Variants in EPS15 observed in about 807,000 individuals in gnomAD.
EPS15 encodes the protein epidermal growth factor receptor pathway substrate 15, also known as epidermal growth factor receptor substrate 15.
A neutral mutation model predicts 113.8 loss-of-function variants in EPS15; 72 were observed. The ratio of observed to expected loss-of-function variants is 0.63; its 90% CI spans 0.52 to 0.77. The LOEUF is 0.77. EPS15 is among the 30% of genes least tolerant of loss of function. The pLI is 0.00. For synonymous variants in EPS15, 344 were observed against 363.4 expected (o/e 0.95, Z 0.61); for missense variants, 1,048 against 1,045.8 (o/e 1.00, Z -0.03).
At chr1:51,450,083 T>TAGAGAAG (rs1653413860) in intron 8 of EPS15, among the ~76,000 whole-genome samples, 1 of 151,712 alleles carries the variant, frequency 6.6e-6, no homozygotes, top group Non-Finnish European at 1.5e-5. Context: ...GAGGTATTCC[T>TAGAGAAG]AATAGCTCAG....
chr1:51,465,517 T>C (rs1284604813), intron 5 of EPS15, among the ~76,000 whole-genome samples, 191 bp from the exon 6 acceptor site: 1 of 152,160 alleles, frequency 6.6e-6, no homozygotes, highest in African/African-American at 2.4e-5. Flanking sequence ...ATATTTTTAC[T>C]GTACCTTTTC....
intron 12 of EPS15, among the ~76,000 whole-genome samples, chr1:51,434,277 A>G (rs1343739230): frequency 6.6e-6 from 1 of 152,204 alleles, no homozygotes; most frequent in Non-Finnish European, 1.5e-5. Flanking sequence ...ATAATAGCTA[A>G]AATGTGGAAA....
intron 1 of EPS15, among the ~76,000 whole-genome samples, chr1:51,502,564 T>C (rs770395765): frequency 6.6e-6 from 1 of 152,170 alleles, no homozygotes; most frequent in Non-Finnish European, 1.5e-5. Context: ...GCAGAGGACA[T>C]GAACTTATAT....
At chr1:51,359,264 T>G (rs1646319864) in intron 24 of EPS15, among the ~76,000 whole-genome samples, 1 of 150,682 alleles carries the variant, frequency 6.6e-6, no homozygotes, top group Non-Finnish European at 1.5e-5. Context: ...GCCAACATGG[T>G]GAAACCCCGT....
In EPS15 at chr1:51,400,913, C is replaced by T. The variant is rs1181127598; in HGVS notation, c.1918+5G>A. 4 of 1,575,308 alleles carry T rather than the reference C, an allele frequency of 2.5e-6. No individual in the cohort carries two copies. Among genetic ancestry groups the T allele is most frequent in the Non-Finnish European group, 3.5e-6 (4 of 1,156,272 alleles). On this transcript the variant is annotated splice_donor_5th_base_variant and intron_variant, in intron 19 of 24. Coordinates refer to ENST00000371733, the MANE Select transcript of EPS15 (RefSeq NM_001981.3). ...AGCTAAGATGAAACTCAATAAGATA[C>T]TGACCGATTTTTCCAAAAGGATCAT...
At chr1:51,439,144 G>A (rs1652386044) in intron 12 of EPS15, among the ~76,000 whole-genome samples, 1 of 152,004 alleles carries the variant, frequency 6.6e-6, no homozygotes, top group Admixed American at 6.6e-5. Context: ...TCAACCCAGT[G>A]GAAATGGAAA....
chr1:51,503,409 G>GT (rs1557531383), intron 1 of EPS15, among the ~76,000 whole-genome samples: 1 of 152,224 alleles, frequency 6.6e-6, no homozygotes. Context: ...GCTGAGGCGG[G>GT]TGGATTACCT....
chr1:51,514,054 T>C (rs143135997), intron 1 of EPS15, among the ~76,000 whole-genome samples: 6 of 152,108 alleles, frequency 3.9e-5, no homozygotes, highest in Admixed American at 2.0e-4. Flanking sequence ...AATTTTAGTG[T>C]TTTTTTTCTT....
At chr1:51,381,257 T>C (rs552622877) in intron 21 of EPS15, among the ~76,000 whole-genome samples, 193 of 152,320 alleles carry the variant, frequency 1.3e-3, no homozygotes, top group Non-Finnish European at 1.7e-3. Flanking sequence ...CTTTAGGCCA[T>C]AGAACAACTC....
rs374990893 is a variant in EPS15 at position 51,463,804 on chromosome 1, A to G, written c.376-6T>C. 667 of 1,554,888 alleles carry G rather than the reference A, an allele frequency of 4.3e-4. 1 individual carries two copies. The highest frequency in any genetic ancestry group is 5.7e-4 in the Non-Finnish European group (650 of 1,144,834). ...TATTTGGCCTTATCTTCAGGCTACA[A>G]TAAAAAACAAAATCACAAGTTAAAT... is the stretch of plus-strand genomic sequence containing the variant. On this transcript the variant is annotated splice_region_variant and splice_polypyrimidine_tract_variant and intron_variant, in intron 6 of 24. Coordinates refer to ENST00000371733, the MANE Select transcript of EPS15 (RefSeq NM_001981.3).
chr1:51,412,139 T>C (rs1649779435), intron 13 of EPS15, among the ~76,000 whole-genome samples: 2 of 152,148 alleles, frequency 1.3e-5, no homozygotes, highest in East Asian at 1.9e-4. Flanking sequence ...TTCTCACTCA[T>C]AAGTGGGAGC....
chr1:51,454,524 G>A (rs1236486848), intron 8 of EPS15, among the ~76,000 whole-genome samples: 1 of 152,162 alleles, frequency 6.6e-6, no homozygotes, highest in Admixed American at 6.5e-5. Flanking sequence ...TTACGCCTCC[G>A]TGTTATTCTT....
intron 13 of EPS15, among the ~76,000 whole-genome samples, chr1:51,415,265 C>A (rs1650098716): frequency 2.0e-5 from 3 of 152,144 alleles, no homozygotes. Flanking sequence ...CTTCTTTCTG[C>A]CCTTTCTCTC....
intron 1 of EPS15, among the ~76,000 whole-genome samples, chr1:51,491,421 T>C (rs953144168): frequency 6.6e-6 from 1 of 152,208 alleles, no homozygotes; most frequent in Non-Finnish European, 1.5e-5. Flanking sequence ...CAAGAGTCTA[T>C]GTTTTTATAC....
chr1:51,514,761 T>C (rs1442303028), intron 1 of EPS15, among the ~76,000 whole-genome samples: 1 of 152,182 alleles, frequency 6.6e-6, no homozygotes, highest in Non-Finnish European at 1.5e-5. Context: ...CCTAATTAAT[T>C]TTAACTATGA....
rs760405804 is a variant in EPS15 at position 51,403,406 on chromosome 1, A to G, written c.1791+13T>C. 2 of 1,455,554 alleles carry G rather than the reference A, an allele frequency of 1.4e-6. No homozygotes were observed. The highest frequency in any genetic ancestry group is 2.4e-5 in the South Asian group (2 of 84,606). 90.2% of individuals were successfully genotyped at this position (1,455,554 alleles called of 1,614,324 possible). On this transcript the variant is annotated intron_variant, in intron 17 of 24. Coordinates refer to ENST00000371733, the MANE Select transcript of EPS15 (RefSeq NM_001981.3). The stretch of plus-strand genomic sequence containing the variant: ...TTACAAGTCCCCAATGTAAATATAA[A>G]ATCATTTTTTACCTCTTTTGAATGT...
intron 18 of EPS15, chr1:51,401,263 C>A: frequency 4.8e-6 from 1 of 208,836 alleles, no homozygotes; most frequent in Non-Finnish European, 9.4e-6. Flanking sequence ...AGGTACTGAG[C>A]TTTACTGAAG....
chr1:51,402,028 T>C (rs1648607999), intron 18 of EPS15, among the ~76,000 whole-genome samples: 1 of 152,186 alleles, frequency 6.6e-6, no homozygotes, highest in African/African-American at 2.4e-5. Context: ...TCCCAACTAC[T>C]CAGGAGGCTG....
intron 20 of EPS15, 84 bp downstream of exon 20, chr1:51,398,948 T>C: frequency 3.4e-6 from 4 of 1,186,402 alleles, no homozygotes; most frequent in South Asian, 1.6e-5. Flanking sequence ...AAATGAGGGT[T>C]CTTTCATCAC....
Sources: allele counts gnomAD v4.1 joint callset (sites outside exome capture counted in the v4.1 genomes callset), GRCh38; gene constraint gnomAD v4.1.1; transcripts MANE v1.5; gene names NCBI Gene and HGNC (gene_info 2026-07-23, HGNC 2026-07-21).